The following BDNF variants were observed in gnomAD, a reference collection of about 807,000 sequenced individuals.
BDNF encodes the protein brain derived neurotrophic factor, also known as neurotrophic factor BDNF precursor form.
In BDNF, 1 loss-of-function variant was observed where a neutral mutation model predicts 19.5. The observed-to-expected ratio is 0.05, with a 90% confidence interval of 0.02 to 0.24. The LOEUF (loss-of-function observed/expected upper bound fraction) is 0.24, where lower values mean the gene tolerates loss of function less well. Among genes scored for constraint, BDNF ranks in the 10% least tolerant of loss-of-function variants. The probability of loss-of-function intolerance (pLI) is 1.00; values close to 1 mark genes in which losing one functional copy is unlikely to be tolerated. For synonymous variants in BDNF, 100 were observed against 121.6 expected (o/e 0.82, Z 1.17); for missense variants, 195 against 317.6 (o/e 0.61, Z 2.93).
chr11:27,700,961 A>G (rs1391900896), upstream of BDNF: 3 of 1,359,026 alleles, frequency 2.2e-6, no homozygotes, highest in South Asian at 1.2e-5. Flanking sequence ...TTCCCGGGCC[A>G]CAGACACACC....
At chr11:27,671,699 G>A (rs1855404818) in intron 1 of BDNF, among the ~76,000 whole-genome samples, 1 of 152,160 alleles carries the variant, frequency 6.6e-6, no homozygotes, top group Non-Finnish European at 1.5e-5. Context: ...TACACAGGCT[G>A]AAATTAAGTG....
upstream of BDNF, among the ~76,000 whole-genome samples, chr11:27,701,960 C>T (rs1375849030): frequency 4.0e-5 from 6 of 151,702 alleles, no homozygotes; most frequent in African/African-American, 1.5e-4. Context: ...AGTTAATCCT[C>T]CCCCGCCCTC....
intron 1 of BDNF, among the ~76,000 whole-genome samples, chr11:27,695,367 AT>A (rs1348061950): frequency 6.6e-6 from 1 of 152,152 alleles, no homozygotes; most frequent in East Asian, 1.9e-4. Flanking sequence ...AAGTTCAGTG[AT>A]TTTTTATCAT....
At chr11:27,721,357 G>A (rs956734356) in intron 1 of BDNF, 1 of 1,604,436 alleles carries the variant, frequency 6.2e-7, no homozygotes, top group Non-Finnish European at 8.5e-7. Flanking sequence ...TATGCCCGTT[G>A]TTAAGCAACA....
At chr11:27,685,141 A>T (rs1275421863) in intron 1 of BDNF, among the ~76,000 whole-genome samples, 1 of 152,204 alleles carries the variant, frequency 6.6e-6, no homozygotes. Flanking sequence ...GTATGTGTCC[A>T]GGAATTTATT....
At chr11:27,700,783 C>T (rs1267152287), upstream of BDNF, 6 of 1,201,744 alleles carry the variant, frequency 5.0e-6, no homozygotes, top group African/African-American at 1.6e-5. Context: ...CCAGCCTCAG[C>T]CCCGGGGAAC....
intron 1 of BDNF, among the ~76,000 whole-genome samples, chr11:27,676,630 A>G (rs1288017974): frequency 1.3e-5 from 2 of 152,252 alleles, no homozygotes; most frequent in Non-Finnish European, 2.9e-5. Context: ...TCTAGCAATA[A>G]TGCATCATAG....
rs1348726786 is a variant in BDNF, at chr11:27,655,363, C to T, written c.*2458G>A. On this transcript the variant is annotated 3_prime_UTR_variant, in exon 2 of 2. Transcript: ENST00000356660. ...CTTATTGGGTAAAAGAGCCACTGAC[C>T]ACACAATTGCTGGATGTGTCTCCTA... The T allele has an allele frequency of 6.6e-6, 1 of 152,506 alleles. No homozygotes were observed. The highest frequency in any genetic ancestry group is 2.4e-5 in the African/African-American group (1 of 41,426). 9.4% of individuals were successfully genotyped at this position (152,506 alleles called of 1,614,324 possible).
Position 27,658,082 on chromosome 11 carries a change from G to A in BDNF, c.483C>T (p.Gly161=), listed in dbSNP as rs376008850. The A allele has an allele frequency of 2.4e-5, 39 of 1,613,888 alleles. No individual in the cohort carries two copies. In the Middle Eastern group the frequency reaches 8.2e-4, roughly 34 times the overall value. Residue 161 remains glycine (G), a synonymous_variant, in exon 2 of 2, where the codon GGC becomes GGT. Transcript: ENST00000356660. The surrounding 1 kb of genome is among the most constrained non-coding windows in gnomAD (Gnocchi z 5.7). ...CCTTTTCAAGGACTGTGACCGTCCC[G>A]CCCGACATGTCCACTGCAGTCTTTT... is the stretch of plus-strand genomic sequence containing the variant. ...ADKKTAVDMS[G]GTVTVLEKVP...
intron 1 of BDNF, chr11:27,696,546 C>T (rs1480569146): frequency 6.6e-6 from 1 of 152,196 alleles, no homozygotes; most frequent in Non-Finnish European, 1.5e-5. Flanking sequence ...GAATTCTCTC[C>T]TCGATTCCTC....
chr11:27,689,502 C>T (rs982309993), intron 1 of BDNF, among the ~76,000 whole-genome samples: 2 of 152,106 alleles, frequency 1.3e-5, no homozygotes, highest in Admixed American at 6.5e-5. Flanking sequence ...AGTGAAATCA[C>T]GTAGGAATCG....
At chr11:27,666,678 G>T (rs1262438992) in intron 1 of BDNF, among the ~76,000 whole-genome samples, 2 of 152,226 alleles carry the variant, frequency 1.3e-5, no homozygotes, top group African/African-American at 4.8e-5. Context: ...AGGGATTGAA[G>T]ATCAAATGAA....
intron 1 of BDNF, among the ~76,000 whole-genome samples, chr11:27,692,366 G>C (rs1289875767): frequency 1.3e-5 from 2 of 151,916 alleles, no homozygotes; most frequent in Non-Finnish European, 2.9e-5. Context: ...CCCTCCAACG[G>C]GGTCTCACTC....
chr11:27,657,251 A>G lies in BDNF; in HGVS notation c.*570T>C. 1 of 987,488 alleles carries G rather than the reference A, an allele frequency of 1.0e-6. No homozygotes were observed. 61.2% of individuals were successfully genotyped at this position (987,488 alleles called of 1,614,324 possible). ...CTAAAAAACAAAACAAACAAACGAA[A>G]AAAAAACACAAAACAAACAAAAATA... On this transcript the variant is annotated 3_prime_UTR_variant, in exon 2 of 2. Coordinates refer to ENST00000356660, the MANE Select transcript of BDNF (RefSeq NM_001709.5). This position sits in a 1 kb window ranked among gnomAD's most constrained non-coding sequence, Gnocchi z 5.0.
upstream of BDNF, chr11:27,701,767 A>G (rs1003223416): frequency 3.1e-6 from 1 of 324,906 alleles, no homozygotes; most frequent in Non-Finnish European, 4.4e-6. Flanking sequence ...TACATCTTTT[A>G]TTAGAAGAGT....
chr11:27,659,691 A>G (rs1368228451), intron 1 of BDNF: 26 of 996,480 alleles, frequency 2.6e-5, no homozygotes, highest in Non-Finnish European at 3.1e-5. Context: ...TCCTACTTTT[A>G]AAAAGCTGAG....
At chr11:27,697,154 C>CAG (rs1240313523) in intron 1 of BDNF, among the ~76,000 whole-genome samples, 7 of 73,174 alleles carry the variant, frequency 9.6e-5, no homozygotes, top group Admixed American at 3.8e-4. Context: ...CACACACACA[C>CAG]ACACACACAC....
chr11:27,699,423 A>C, intron 1 of BDNF: 2 of 1,614,004 alleles, frequency 1.2e-6, no homozygotes, highest in East Asian at 2.2e-5. Context: ...GACTAACCCG[A>C]GTCAAGAATC....
intron 1 of BDNF, among the ~76,000 whole-genome samples, chr11:27,708,889 C>T (rs539622841): frequency 1.1e-4 from 15 of 132,002 alleles, no homozygotes; most frequent in Admixed American, 3.6e-4. Context: ...AGTGCAATGG[C>T]GCAATCTTGG....
Sources: gnomAD v4.1 joint callset for allele counts (sites outside exome capture counted in the v4.1 genomes callset) on GRCh38, gnomAD v4.1.1 for gene constraint, Gnocchi (gnomAD v3.1) non-coding constraint, MANE v1.5 for transcripts, NCBI Gene and HGNC (gene_info 2026-07-23, HGNC 2026-07-21) for gene names.